Variants in KCNQ1 observed in about 807,000 individuals in gnomAD.
KCNQ1 encodes potassium voltage-gated channel subfamily KQT member 1.
In KCNQ1, 49 loss-of-function variants were observed where a neutral mutation model predicts 72.4. That is an observed-to-expected ratio of 0.68 (90% CI 0.54 to 0.86). KCNQ1 has a LOEUF of 0.86. Among genes scored for constraint, KCNQ1 ranks in the 40% least tolerant of loss-of-function variants. The pLI, the probability that KCNQ1 is intolerant of heterozygous loss-of-function variation, is 0.00. For synonymous variants in KCNQ1, 450 were observed against 412.6 expected (o/e 1.09, Z -1.10); for missense variants, 790 against 945.1 (o/e 0.84, Z 2.15).
At chr11:2,702,936 C>T (rs931549221) in intron 11 of KCNQ1, among the ~76,000 whole-genome samples, 20 of 152,240 alleles carry the variant, frequency 1.3e-4, no homozygotes, top group African/African-American at 4.3e-4. Context: ...GCCCAGCGCA[C>T]CTGTTGTGTG....
chr11:2,531,526 G>A (rs542042202), intron 2 of KCNQ1, among the ~76,000 whole-genome samples: 6 of 152,138 alleles, frequency 3.9e-5, no homozygotes, highest in Non-Finnish European at 7.4e-5. Context: ...CAGCAGCCCT[G>A]CCCACTGTCT....
chr11:2,476,489 A>G (rs1373055878), intron 1 of KCNQ1, among the ~76,000 whole-genome samples: 1 of 152,210 alleles, frequency 6.6e-6, no homozygotes, highest in Non-Finnish European at 1.5e-5. Context: ...AGTTCACAGT[A>G]AGAAAAGTGA....
Position 2,691,927 on chromosome 11 carries a change from T to A in KCNQ1, c.1514+29846T>A. On this transcript the variant is annotated intron_variant, in intron 11 of 15. Coordinates refer to ENST00000155840, the MANE Select transcript of KCNQ1 (RefSeq NM_000218.3). The surrounding 1 kb of genome is among the most constrained non-coding windows in gnomAD (Gnocchi z 6.4). ...TCTATCCTCAGTCTCCTTGGCAGGT[T>A]TTCCCTTCTGGCATGGCCACTAAAT... is the stretch of plus-strand genomic sequence containing the variant. The A allele has an allele frequency of 2.5e-6, 1 of 398,710 alleles. No individual in the cohort carries two copies. Among genetic ancestry groups the A allele is most frequent in the East Asian group, 3.6e-5 (1 of 28,064 alleles). 24.7% of individuals were successfully genotyped at this position (398,710 alleles called of 1,614,324 possible). A position where few individuals can be genotyped will look rare whatever the true frequency, so the allele number is the denominator to read the frequency against.
Position 2,711,858 on chromosome 11 carries a change from AG to A in KCNQ1, c.1514+49781del, listed in dbSNP as rs1851013493. Among the ~76,000 whole-genome samples, 1 of 151,936 alleles carries A rather than the reference AG, an allele frequency of 6.6e-6. No individual in the cohort carries two copies. The highest frequency in any genetic ancestry group is 2.1e-4 in the South Asian group (1 of 4,818). Reference sequence around the variant, plus strand: ...ACTGCTTCTGAGGAGGGTGCCTTTGAGGGGAGGCAGAGTTGGCTCACGGGAA... The same window carrying A: ...ACTGCTTCTGAGGAGGGTGCCTTTGAGGGAGGCAGAGTTGGCTCACGGGAA... On this transcript the variant is annotated intron_variant, in intron 11 of 15. Coordinates refer to ENST00000155840, the MANE Select transcript of KCNQ1 (RefSeq NM_000218.3). The surrounding 1 kb of genome is among the most constrained non-coding windows in gnomAD (Gnocchi z 5.4).
Position 2,676,022 on chromosome 11 carries a change from G to A in KCNQ1, c.1514+13941G>A. 2.5e-6 allele frequency: 1 copy of A among 398,604 alleles called. No individual in the cohort carries two copies. The highest frequency in any genetic ancestry group is 4.4e-6 in the Non-Finnish European group (1 of 226,060). 24.7% of individuals were successfully genotyped at this position (398,604 alleles called of 1,614,324 possible). ...AATTCCCAAGTTTCCTTCCCTAAAG[G>A]TTACCACTCAACACTTTCCTATTGC... On this transcript the variant is annotated intron_variant, in intron 11 of 15. Transcript: ENST00000155840. This position sits in a 1 kb window ranked among gnomAD's most constrained non-coding sequence, Gnocchi z 4.2.
At chr11:2,519,283 G>A (rs1847338670) in intron 1 of KCNQ1, among the ~76,000 whole-genome samples, 3 of 152,220 alleles carry the variant, frequency 2.0e-5, no homozygotes, top group Non-Finnish European at 2.9e-5. Context: ...GACAGGGTTC[G>A]GGTGATGCCC....
intron 1 of KCNQ1, among the ~76,000 whole-genome samples, chr11:2,453,584 C>T (rs1020523961): frequency 1.3e-5 from 2 of 152,152 alleles, no homozygotes; most frequent in South Asian, 4.1e-4. Context: ...TCACTCCTGG[C>T]GAGAGGGGTG....
At position 2,659,069 on chromosome 11, in the gene KCNQ1, T is replaced by C. The variant is rs988019218; in HGVS notation, c.1394-2892T>C. On this transcript the variant is annotated intron_variant, in intron 10 of 15. Coordinates refer to ENST00000155840, the MANE Select transcript of KCNQ1 (RefSeq NM_000218.3). The surrounding 1 kb of genome is among the most constrained non-coding windows in gnomAD (Gnocchi z 4.3). The stretch of plus-strand genomic sequence containing the variant: ...TCATTTGTTTGTAACACGCTCATCA[T>C]AGTCTGCTTTTCATCGTAGGGTCCT... 4 of 398,510 alleles carry C rather than the reference T, an allele frequency of 1.0e-5. No individual in the cohort carries two copies. Among genetic ancestry groups the C allele is most frequent in the African/African-American group, 6.2e-5 (3 of 48,644 alleles). The allele number at this position is 398,510 out of a possible 1,614,324, so 24.7% of individuals were successfully genotyped here.
chr11:2,529,966 C>A (rs1847589739), intron 2 of KCNQ1, among the ~76,000 whole-genome samples: 1 of 152,178 alleles, frequency 6.6e-6, no homozygotes, highest in African/African-American at 2.4e-5. Context: ...GTGCTCCTGT[C>A]AGTGAGGGGC....
intron 10 of KCNQ1, chr11:2,646,681 C>A (rs1015443017): frequency 2.5e-6 from 1 of 398,482 alleles, no homozygotes; most frequent in Non-Finnish European, 4.4e-6. Flanking sequence ...CAGGCCACCA[C>A]GCCCAGCTCA....
chr11:2,577,231 GCTCT>G (rs1385755624), intron 6 of KCNQ1, among the ~76,000 whole-genome samples: 1 of 152,208 alleles, frequency 6.6e-6, no homozygotes, highest in Non-Finnish European at 1.5e-5. Context: ...GCCCTGTCTT[GCTCT>G]CTCTGTCACA....
At chr11:2,528,472 T>C (rs573413887) in intron 2 of KCNQ1, among the ~76,000 whole-genome samples, 11 of 152,252 alleles carry the variant, frequency 7.2e-5, no homozygotes, top group Non-Finnish European at 1.5e-4. Context: ...TCCATTGGCC[T>C]GAGCGGTGTC....
intron 1 of KCNQ1, among the ~76,000 whole-genome samples, chr11:2,502,792 G>C (rs977740562): frequency 6.6e-6 from 1 of 152,134 alleles, no homozygotes; most frequent in Admixed American, 6.6e-5. Flanking sequence ...TTATACTACA[G>C]AGTCATAGTA....
chr11:2,624,177 G>A lies in KCNQ1; in HGVS notation c.1393+35323G>A, dbSNP rs147023322. ...CATTTCCCTAATGACGTAAGATGTG[G>A]GGCATCTTTTCATATACTTAGTTGC... On this transcript the variant is annotated intron_variant, in intron 10 of 15. Coordinates refer to ENST00000155840, the MANE Select transcript of KCNQ1 (RefSeq NM_000218.3). The surrounding 1 kb of genome is among the most constrained non-coding windows in gnomAD (Gnocchi z 4.9). The A allele has an allele frequency of 5.3e-5, 21 of 398,522 alleles. No homozygotes were observed. Among genetic ancestry groups the A allele is most frequent in the African/African-American group, 4.3e-4 (21 of 48,728 alleles). The allele number at this position is 398,522 out of a possible 1,614,324, so 24.7% of individuals were successfully genotyped here.
intron 1 of KCNQ1, among the ~76,000 whole-genome samples, chr11:2,455,382 C>T (rs1398145904): frequency 1.3e-5 from 2 of 152,188 alleles, no homozygotes; most frequent in Non-Finnish European, 2.9e-5. Context: ...CAGGCTTGAG[C>T]CACCGTGCCT....
intron 15 of KCNQ1, among the ~76,000 whole-genome samples, chr11:2,810,611 G>A (rs1460112846): frequency 2.6e-5 from 4 of 152,208 alleles, no homozygotes; most frequent in Non-Finnish European, 4.4e-5. Flanking sequence ...GATCTTTCTG[G>A]AGACTCCAGA....
rs563515299 is a variant in KCNQ1 at position 2,719,435 on chromosome 11, C to T, written c.1515-49409C>T. 4.0e-5 allele frequency among the ~76,000 whole-genome samples: 6 copies of T among 151,100 alleles called. No homozygotes were observed. The East Asian group carries it at 1.2e-3, about 29-fold the overall frequency. The stretch of plus-strand genomic sequence containing the variant: ...GCCTGAGCCTGGGAGGTCAAGAGTG[C>T]AGTGAGCCATGATGACTGTGATTGA... On this transcript the variant is annotated intron_variant, in intron 11 of 15. Coordinates refer to ENST00000155840, the MANE Select transcript of KCNQ1 (RefSeq NM_000218.3).
Position 2,710,643 on chromosome 11 carries a change from T to A in KCNQ1, c.1514+48562T>A, listed in dbSNP as rs1850987201. Among the ~76,000 whole-genome samples, 1 of 152,230 alleles carries A rather than the reference T, an allele frequency of 6.6e-6. No homozygotes were observed. The highest frequency in any genetic ancestry group is 1.9e-4 in the East Asian group (1 of 5,202). On this transcript the variant is annotated intron_variant, in intron 11 of 15. Coordinates refer to ENST00000155840, the MANE Select transcript of KCNQ1 (RefSeq NM_000218.3). This position sits in a 1 kb window ranked among gnomAD's most constrained non-coding sequence, Gnocchi z 4.1. ...ACTTAGGTCTTTCATCCGCTTTCAG[T>A]TAGTTTAACATATGGTGTGAGGTAG... is the stretch of plus-strand genomic sequence containing the variant.
At chr11:2,694,617 A>G (rs1850643307) in intron 11 of KCNQ1, 1 of 398,530 alleles carries the variant, frequency 2.5e-6, no homozygotes, top group South Asian at 1.3e-4. Context: ...CGTTCAATAA[A>G]TGAATGAAAC....
Sources: allele counts gnomAD v4.1 joint callset (sites outside exome capture counted in the v4.1 genomes callset), GRCh38; gene constraint gnomAD v4.1.1; non-coding constraint Gnocchi (gnomAD v3.1); transcripts MANE v1.5; gene names NCBI Gene and HGNC (gene_info 2026-07-23, HGNC 2026-07-21).